ANKRD13C: variants seen among roughly 807,000 people sequenced by gnomAD.
ANKRD13C encodes the protein ankyrin repeat domain-containing protein 13C.
Under a neutral mutation model 65.5 loss-of-function variants are expected in ANKRD13C, and 16 were observed. That is an observed-to-expected ratio of 0.24 (90% CI 0.17 to 0.37). The LOEUF (loss-of-function observed/expected upper bound fraction) is 0.37. Ranked by LOEUF, ANKRD13C falls within the 10% of genes least tolerant of loss-of-function variation. The probability of loss-of-function intolerance (pLI) is 1.00; values close to 1 mark genes in which losing one functional copy is unlikely to be tolerated. For missense variants in ANKRD13C, 503 were observed against 655.9 expected (o/e 0.77, Z 2.55); for synonymous variants, 235 against 238.7 (o/e 0.98, Z 0.14).
At chr1:70,286,522 T>C (rs771901963) in intron 9 of ANKRD13C, among the ~76,000 whole-genome samples, 17 of 152,122 alleles carry the variant, frequency 1.1e-4, no homozygotes, top group Non-Finnish European at 2.4e-4. Context: ...GAAAAAGCCA[T>C]GTGCACCTGC....
At chr1:70,285,187 CTTTTTTTT>C (rs60703728) in intron 9 of ANKRD13C, among the ~76,000 whole-genome samples, 1 of 105,238 alleles carries the variant, frequency 9.5e-6, no homozygotes, top group African/African-American at 4.2e-5. Flanking sequence ...TTTATAATGT[CTTTTTTTT>C]TTTTTTTTTT....
At chr1:70,309,223 C>T (rs758700956) in intron 5 of ANKRD13C, among the ~76,000 whole-genome samples, 2 of 151,532 alleles carry the variant, frequency 1.3e-5, no homozygotes, top group Admixed American at 6.6e-5. Context: ...CAGGCGCCCC[C>T]CTACCATGTC....
At chr1:70,289,567 C>T (rs1306086048) in intron 9 of ANKRD13C, among the ~76,000 whole-genome samples, 3 of 151,764 alleles carry the variant, frequency 2.0e-5, no homozygotes, top group Admixed American at 6.6e-5. Context: ...CGGGGGTTCA[C>T]GCCATTTTTC....
intron 9 of ANKRD13C, among the ~76,000 whole-genome samples, chr1:70,279,489 A>G (rs1041892225): frequency 8.1e-6 from 1 of 123,828 alleles, no homozygotes; most frequent in Non-Finnish European, 1.7e-5. Flanking sequence ...CTAAGCCACT[A>G]TTTTGAGCTA....
chr1:70,328,651 G>C (rs914171359), intron 2 of ANKRD13C, among the ~76,000 whole-genome samples: 1 of 152,164 alleles, frequency 6.6e-6, no homozygotes, highest in Non-Finnish European at 1.5e-5. Flanking sequence ...AACAGAGAGA[G>C]ACTGACTCAA....
intron 1 of ANKRD13C, among the ~76,000 whole-genome samples, chr1:70,347,128 A>T (rs1682567181): frequency 6.6e-6 from 1 of 150,400 alleles, no homozygotes; most frequent in South Asian, 2.1e-4. Flanking sequence ...GGCAGTTCAT[A>T]GAGAAGCATG....
At chr1:70,264,751 G>A (rs562238933) in intron 12 of ANKRD13C, among the ~76,000 whole-genome samples, 4 of 152,206 alleles carry the variant, frequency 2.6e-5, no homozygotes, top group Non-Finnish European at 4.4e-5. Flanking sequence ...TACACTGGTT[G>A]GGAGGGTCAG....
At chr1:70,313,922 C>G in intron 4 of ANKRD13C, 132 bp from the exon 5 acceptor site, 1 of 539,990 alleles carries the variant, frequency 1.9e-6, no homozygotes, top group Non-Finnish European at 3.3e-6. Context: ...AAATATGCAC[C>G]TGTATATTTT....
At chr1:70,294,206 G>C (rs1202946008) in intron 8 of ANKRD13C, among the ~76,000 whole-genome samples, 1 of 152,096 alleles carries the variant, frequency 6.6e-6, no homozygotes, top group African/African-American at 2.4e-5. Context: ...ACAACAAAAG[G>C]CTACCTATTA....
chr1:70,294,455 T>C (rs965781110), intron 8 of ANKRD13C, among the ~76,000 whole-genome samples: 1 of 152,152 alleles, frequency 6.6e-6, no homozygotes, highest in Non-Finnish European at 1.5e-5. Flanking sequence ...TGATTAACAA[T>C]CAACGGACTT....
At chr1:70,342,992 C>T (rs1682381144) in intron 1 of ANKRD13C, among the ~76,000 whole-genome samples, 1 of 152,076 alleles carries the variant, frequency 6.6e-6, no homozygotes, top group African/African-American at 2.4e-5. Flanking sequence ...GGATAATTAT[C>T]CTTTGTTTTC....
intron 3 of ANKRD13C, among the ~76,000 whole-genome samples, chr1:70,323,515 C>T (rs1681402967): frequency 6.6e-6 from 1 of 151,378 alleles, no homozygotes; most frequent in African/African-American, 2.4e-5. Context: ...TGGTGGCAGG[C>T]ACCTGTGATC....
At chr1:70,320,094 A>G (rs1681242175) in intron 3 of ANKRD13C, among the ~76,000 whole-genome samples, 1 of 152,170 alleles carries the variant, frequency 6.6e-6, no homozygotes. Flanking sequence ...AGGGGGATAT[A>G]TAAGTATGAG....
At chr1:70,304,193 C>T (rs1476402321) in intron 6 of ANKRD13C, among the ~76,000 whole-genome samples, 2 of 152,028 alleles carry the variant, frequency 1.3e-5, no homozygotes, top group Non-Finnish European at 2.9e-5. Flanking sequence ...AAGTGCGTGC[C>T]ACCATGCCCA....
rs988605780 is a variant in ANKRD13C, at chr1:70,315,908, C to T, written c.578-342G>A. On this transcript the variant is annotated intron_variant, in intron 3 of 12. Coordinates refer to ENST00000370944, the MANE Select transcript of ANKRD13C (RefSeq NM_030816.5). ...ATGAGAAGAGATATTTCAACATCAA[C>T]CTATACCATATTCACACTAGCTTTT... Among the ~76,000 whole-genome samples, 3 of 152,118 alleles carry T rather than the reference C, an allele frequency of 2.0e-5. No homozygotes were observed. The East Asian group carries it at 5.8e-4, about 29-fold the overall frequency.
At chr1:70,289,895 C>G (rs899523246) in intron 9 of ANKRD13C, among the ~76,000 whole-genome samples, 1 of 152,138 alleles carries the variant, frequency 6.6e-6, no homozygotes, top group African/African-American at 2.4e-5. Flanking sequence ...GGCCTTTTGT[C>G]TGGCCAACAA....
intron 5 of ANKRD13C, among the ~76,000 whole-genome samples, chr1:70,307,950 T>C (rs1483153721): frequency 1.3e-5 from 2 of 151,720 alleles, no homozygotes; most frequent in African/African-American, 4.8e-5. Flanking sequence ...CCCTATCTCT[T>C]TGAAAAAGAA....
intron 11 of ANKRD13C, among the ~76,000 whole-genome samples, chr1:70,273,720 G>T (rs998690797): frequency 6.6e-6 from 1 of 150,920 alleles, no homozygotes; most frequent in African/African-American, 2.4e-5. Context: ...GCAGTGGCAC[G>T]ATCTTGACTC....
At chr1:70,341,474 G>A (rs567174617) in intron 1 of ANKRD13C, among the ~76,000 whole-genome samples, 1 of 148,282 alleles carries the variant, frequency 6.7e-6, no homozygotes, top group Non-Finnish European at 1.5e-5. Flanking sequence ...CGATTCTCCT[G>A]CCTCAGCCTC....
Sources: allele counts gnomAD v4.1 joint callset (sites outside exome capture counted in the v4.1 genomes callset), GRCh38; gene constraint gnomAD v4.1.1; transcripts MANE v1.5; gene names NCBI Gene and HGNC (gene_info 2026-07-23, HGNC 2026-07-21).